KCNU1: variants seen among roughly 807,000 people sequenced by gnomAD.
The protein encoded by KCNU1 is potassium channel subfamily U member 1.
Under a neutral mutation model 126.8 loss-of-function variants are expected in KCNU1, and 93 were observed. The observed-to-expected ratio is 0.73, with a 90% CI of 0.62 to 0.87. The LOEUF is 0.87. Ranked by LOEUF, KCNU1 falls within the 40% of genes least tolerant of loss-of-function variation. KCNU1 has a pLI of 0.00. For synonymous variants in KCNU1, 523 were observed against 494.2 expected (o/e 1.06, Z -0.77); for missense variants, 1,330 against 1,367.1 (o/e 0.97, Z 0.43).
At chr8:36,821,990 G>A (rs1458610826) in intron 10 of KCNU1, among the ~76,000 whole-genome samples, 1 of 152,070 alleles carries the variant, frequency 6.6e-6, no homozygotes, top group Non-Finnish European at 1.5e-5. Flanking sequence ...CTTATGATGG[G>A]TTTATAGGGA....
At chr8:36,846,684 C>T (rs1805160017) in intron 18 of KCNU1, among the ~76,000 whole-genome samples, 2 of 151,740 alleles carry the variant, frequency 1.3e-5, no homozygotes, top group South Asian at 4.2e-4. Flanking sequence ...TGCCTGTGAT[C>T]CCAGCTGCTT....
chr8:36,908,389 T>C (rs937212969), intron 20 of KCNU1, among the ~76,000 whole-genome samples: 1 of 152,138 alleles, frequency 6.6e-6, no homozygotes, highest in African/African-American at 2.4e-5. Context: ...TTTTTTATTA[T>C]ACTTTAAGTT....
intron 14 of KCNU1, among the ~76,000 whole-genome samples, 196 bp downstream of exon 14, chr8:36,837,141 A>G (rs1804780762): frequency 6.6e-6 from 1 of 152,098 alleles, no homozygotes; most frequent in East Asian, 1.9e-4. Context: ...GAAATCATTT[A>G]TTTTATTCCT....
intron 24 of KCNU1, 145 bp from the exon 25 acceptor site, chr8:36,930,806 T>C: frequency 1.9e-6 from 1 of 518,456 alleles, no homozygotes; most frequent in Non-Finnish European, 3.2e-6. Context: ...TTCAGCTGCA[T>C]TAGATAATAA....
intron 2 of KCNU1, among the ~76,000 whole-genome samples, chr8:36,801,291 G>C (rs1260518107): frequency 6.6e-6 from 1 of 152,158 alleles, no homozygotes; most frequent in East Asian, 1.9e-4. Flanking sequence ...GGCACCAGGT[G>C]ATCTTTCCTC....
chr8:36,789,966 A>T (rs944184942), intron 2 of KCNU1, among the ~76,000 whole-genome samples: 2 of 152,212 alleles, frequency 1.3e-5, no homozygotes, highest in Admixed American at 1.3e-4. Flanking sequence ...CTTAAGATTC[A>T]TAGGGAAGAG....
chr8:36,896,129 C>T (rs972579518), intron 19 of KCNU1, among the ~76,000 whole-genome samples: 1 of 151,614 alleles, frequency 6.6e-6, no homozygotes. Context: ...ATTAGTAGAC[C>T]TATAATTTAA....
At chr8:36,889,939 T>C (rs2117441054) in intron 19 of KCNU1, among the ~76,000 whole-genome samples, 1 of 152,134 alleles carries the variant, frequency 6.6e-6, no homozygotes, top group African/African-American at 2.4e-5. Context: ...TCAGAAACCA[T>C]AAGTAAGAAC....
chr8:36,869,514 AT>A (rs201871383), intron 19 of KCNU1, among the ~76,000 whole-genome samples: 1,550 of 152,012 alleles, frequency 0.01, 21 homozygotes, highest in African/African-American at 0.036. Flanking sequence ...CGTAAATGCT[AT>A]TTTTTTCTCT....
chr8:36,930,094 C>T (rs1326534361), intron 24 of KCNU1, among the ~76,000 whole-genome samples: 1 of 151,880 alleles, frequency 6.6e-6, no homozygotes, highest in Non-Finnish European at 1.5e-5. Context: ...TAGAAATTCT[C>T]ATTTTTAATA....
At chr8:36,910,432 C>A (rs531992820) in intron 21 of KCNU1, among the ~76,000 whole-genome samples, 6 of 152,272 alleles carry the variant, frequency 3.9e-5, no homozygotes, top group African/African-American at 1.4e-4. Flanking sequence ...TAGACTCCAA[C>A]CTACCGGAAG....
intron 22 of KCNU1, among the ~76,000 whole-genome samples, chr8:36,912,757 G>T (rs563415529): frequency 3.4e-4 from 51 of 152,032 alleles, no homozygotes; most frequent in African/African-American, 1.1e-3. Flanking sequence ...GGATCACAAG[G>T]TCAGGAGATT....
At chr8:36,902,410 A>T (rs533161099) in intron 19 of KCNU1, among the ~76,000 whole-genome samples, 1 of 152,240 alleles carries the variant, frequency 6.6e-6, no homozygotes, top group African/African-American at 2.4e-5. Context: ...TTCATTTATC[A>T]TGAGGGTGGA....
intron 20 of KCNU1, among the ~76,000 whole-genome samples, chr8:36,908,893 T>C (rs967863228): frequency 2.0e-5 from 3 of 152,176 alleles, no homozygotes; most frequent in Non-Finnish European, 4.4e-5. Context: ...CAGGACTCAC[T>C]AGAAGACATA....
In KCNU1 at chr8:36,879,930, G is replaced by A. The variant is rs557472739; in HGVS notation, c.2009+15409G>A. 2.4e-4 allele frequency among the ~76,000 whole-genome samples: 36 copies of A among 152,304 alleles called. 1 individual carries two copies. The highest frequency in any genetic ancestry group is 2.0e-3 in the Admixed American group (30 of 15,280). On this transcript the variant is annotated intron_variant, in intron 19 of 26. Transcript: ENST00000399881. ...CTCCAACCGCCAATCAAGTACTTGC[G>A]TAAAAGCAAGACAAACATAACAATA... is the stretch of plus-strand genomic sequence containing the variant.
intron 19 of KCNU1, among the ~76,000 whole-genome samples, chr8:36,903,888 A>G (rs1230862476): frequency 6.6e-6 from 1 of 152,188 alleles, no homozygotes; most frequent in African/African-American, 2.4e-5. Context: ...TTATAAAACC[A>G]TCAGATCTCC....
chr8:36,834,875 AG>A lies in KCNU1; in HGVS notation c.1295+8del. ...ATATTTCCAACATTATGAGGTAAGAAGCTGTGTTTTGTATGCTATAACGATT... is the reference window on the plus strand; with the variant it reads ...ATATTTCCAACATTATGAGGTAAGAACTGTGTTTTGTATGCTATAACGATT... On this transcript the variant is annotated splice_region_variant and intron_variant, in intron 12 of 26. Transcript: ENST00000399881. 1 of 1,588,820 alleles carries A rather than the reference AG, an allele frequency of 6.3e-7. No individual in the cohort carries two copies. Among genetic ancestry groups the A allele is most frequent in the Non-Finnish European group, 8.6e-7 (1 of 1,158,808 alleles).
chr8:36,879,246 CAT>C (rs1400154937), intron 19 of KCNU1, among the ~76,000 whole-genome samples: 30 of 100,850 alleles, frequency 3.0e-4, no homozygotes, highest in African/African-American at 9.1e-4. Flanking sequence ...TATACACACA[CAT>C]ATATGAAATA....
intron 19 of KCNU1, among the ~76,000 whole-genome samples, chr8:36,882,935 CTCTTTTT>C (rs1364248109): frequency 6.6e-6 from 1 of 152,214 alleles, no homozygotes; most frequent in Non-Finnish European, 1.5e-5. Context: ...ATATGCATTT[CTCTTTTT>C]TCTTTCTTCT....
Sources: gnomAD v4.1 joint callset for allele counts (sites outside exome capture counted in the v4.1 genomes callset) on GRCh38, gnomAD v4.1.1 for gene constraint, MANE v1.5 for transcripts, NCBI Gene and HGNC (gene_info 2026-07-23, HGNC 2026-07-21) for gene names.